VASN: variants seen among roughly 807,000 people sequenced by gnomAD.
The protein encoded by VASN is protein slit-like 2.
VASN carries 5 observed loss-of-function variants against 4.8 expected under a neutral mutation model. The ratio of observed to expected loss-of-function variants is 1.03; its 90% CI spans 0.54 to 2.17. The LOEUF (loss-of-function observed/expected upper bound fraction) is 2.17. Among genes scored for constraint, VASN ranks in the 30% most tolerant of loss-of-function variants. The pLI is 0.01. For synonymous variants in VASN, 499 were observed against 460.8 expected (o/e 1.08, Z -1.06); for missense variants, 927 against 948.8 (o/e 0.98, Z 0.30).
intron 1 of VASN, 48 bp from the exon 2 acceptor site, chr16:4,380,821 A>G: frequency 2.8e-6 from 4 of 1,426,170 alleles, no homozygotes; most frequent in South Asian, 1.5e-5. Context: ...TCTGCCTTCT[A>G]GGCCCCTGAC....
In VASN at chr16:4,382,952, A is replaced by C. The variant is rs1431050002; in HGVS notation, c.*53A>C. Reference sequence around the variant, plus strand: ...CGGGCTCTCAGCCAGTGAGATGGCCAGCCCCCTCCTGCTGCCACACCACGT... The same window carrying C: ...CGGGCTCTCAGCCAGTGAGATGGCCCGCCCCCTCCTGCTGCCACACCACGT... On this transcript the variant is annotated 3_prime_UTR_variant, in exon 2 of 2. Coordinates refer to ENST00000304735, the MANE Select transcript of VASN (RefSeq NM_138440.3). The C allele has an allele frequency of 6.9e-7, 1 of 1,442,730 alleles. No homozygotes were observed. Among genetic ancestry groups the C allele is most frequent in the Non-Finnish European group, 9.1e-7 (1 of 1,093,914 alleles). 89.4% of individuals were successfully genotyped at this position (1,442,730 alleles called of 1,614,324 possible). A position where few individuals can be genotyped will look rare whatever the true frequency, so the allele number is the denominator to read the frequency against.
Position 4,382,309 on chromosome 16 carries a change from G to A in VASN, c.1432G>A (p.Val478Met), listed in dbSNP as rs1355514948. The change falls in exon 2 of 2, where the codon GTG (valine) becomes ATG (methionine). Residue 478 changes from valine to methionine, a missense_variant. Val to Met is a conservative substitution (Grantham distance 21, BLOSUM62 1). Transcript: ENST00000304735. ...IEPVSPTSLR[V>M]GLQRYLQGSS... The stretch of plus-strand genomic sequence containing the variant: ...GCCGGTGAGCCCCACCTCCCTGCGC[G>A]TGGGGCTGCAGCGCTACCTCCAGGG... 39 of 1,610,852 alleles carry A rather than the reference G, an allele frequency of 2.4e-5. No individual in the cohort carries two copies. Among genetic ancestry groups the A allele is most frequent in the Admixed American group, 3.3e-5 (2 of 59,820 alleles).
chr16:4,380,144 T>C (rs2054901028), intron 1 of VASN, among the ~76,000 whole-genome samples: 1 of 151,508 alleles, frequency 6.6e-6, no homozygotes, highest in South Asian at 2.1e-4. Context: ...GTAGCCAGTG[T>C]CCCCACCTGA....
rs1227981298 is a variant in VASN at position 4,383,484 on chromosome 16, A to T, written c.*585A>T. 2 of 167,084 alleles carry T rather than the reference A, an allele frequency of 1.2e-5. No homozygotes were observed. The highest frequency in any genetic ancestry group is 2.9e-5 in the Non-Finnish European group (2 of 68,122). 10.4% of individuals were successfully genotyped at this position (167,084 alleles called of 1,614,324 possible). The stretch of plus-strand genomic sequence containing the variant: ...TTTGGTTTTTGTAAGACAAACGATG[A>T]TATGAAGGCCTTTTGTAAGAAAAAA... On this transcript the variant is annotated 3_prime_UTR_variant, in exon 2 of 2. Transcript: ENST00000304735.
intron 1 of VASN, among the ~76,000 whole-genome samples, chr16:4,380,385 C>T (rs867433304): frequency 3.9e-5 from 6 of 152,256 alleles, no homozygotes; most frequent in African/African-American, 7.2e-5. Flanking sequence ...TTCCCTCCTC[C>T]AAGGAGGGCG....
At chr16:4,372,494 T>G (rs1031648185) in intron 1 of VASN, among the ~76,000 whole-genome samples, 1 of 151,262 alleles carries the variant, frequency 6.6e-6, no homozygotes. Flanking sequence ...GGGCGGGGAG[T>G]GGCTGGTGGG....
Position 4,383,022 on chromosome 16 carries a change from GT to G in VASN, c.*124del. 2 of 1,108,024 alleles carry G rather than the reference GT, an allele frequency of 1.8e-6. No homozygotes were observed. Among genetic ancestry groups the G allele is most frequent in the Non-Finnish European group, 2.5e-6 (2 of 798,552 alleles). The allele number at this position is 1,108,024 out of a possible 1,614,324, so 68.6% of individuals were successfully genotyped here. ...CGGGGATGTGTGCAGACAGGGCTGT[GT>G]GACCACAGCTGGGCCCTGTTCCCTC... is the stretch of plus-strand genomic sequence containing the variant. On this transcript the variant is annotated 3_prime_UTR_variant, in exon 2 of 2. Coordinates refer to ENST00000304735, the MANE Select transcript of VASN (RefSeq NM_138440.3).
rs749626201 is a variant in VASN at position 4,381,928 on chromosome 16, GCCA to G, written c.1062_1064del (p.Thr355del). On this transcript the variant is annotated inframe_deletion, in exon 2 of 2. Transcript: ENST00000304735. ...TGACTACGCCGACTTTGGCTGCCCA[GCCA>G]CCACCACCACAGCCACAGTGCCCAC... 3 of 1,606,916 alleles carry G rather than the reference GCCA, an allele frequency of 1.9e-6. No individual in the cohort carries two copies.
Position 4,382,656 on chromosome 16 carries a change from G to C in VASN, c.1779G>C (p.Val593=), listed in dbSNP as rs1474296390. 1 of 1,553,274 alleles carries C rather than the reference G, an allele frequency of 6.4e-7. No homozygotes were observed. The highest frequency in any genetic ancestry group is 1.2e-5 in the South Asian group (1 of 84,938). The change falls in exon 2 of 2, where the codon GTG becomes GTC. Residue 593 remains valine, a synonymous_variant. Coordinates refer to ENST00000304735, the MANE Select transcript of VASN (RefSeq NM_138440.3). Reference sequence around the variant, plus strand: ...TGCTCCTGGCCGCGCTGGCTGCGGTGGGGGCAGCCTACTGTGTGCGGCGGG... The same window carrying C: ...TGCTCCTGGCCGCGCTGGCTGCGGTCGGGGCAGCCTACTGTGTGCGGCGGG... The part of the protein sequence containing the change: ...AAVLLAALAA[V]GAAYCVRRGR...
rs1191847996 is a variant in VASN at position 4,381,836 on chromosome 16, T to C, written c.959T>C (p.Leu320Pro). The C allele has an allele frequency of 1.2e-6, 2 of 1,601,494 alleles. No individual in the cohort carries two copies. The highest frequency in any genetic ancestry group is 1.1e-5 in the South Asian group (1 of 91,046). Residue 320 changes from leucine (L) to proline (P), a missense_variant, in exon 2 of 2, where the codon CTG becomes CCG. Coordinates refer to ENST00000304735, the MANE Select transcript of VASN (RefSeq NM_138440.3). The part of the protein sequence containing the change: ...GPWVRESHVT[L>P]ASPEETRCHF... Reference sequence around the variant, plus strand: ...TGGGTGCGCGAGAGCCACGTCACACTGGCCAGCCCTGAGGAGACGCGCTGC... The same window carrying C: ...TGGGTGCGCGAGAGCCACGTCACACCGGCCAGCCCTGAGGAGACGCGCTGC...
chr16:4,372,202 C>T (rs1290314531), intron 1 of VASN, among the ~76,000 whole-genome samples: 1 of 152,072 alleles, frequency 6.6e-6, no homozygotes, highest in African/African-American at 2.4e-5. Flanking sequence ...GCCCCGCGGC[C>T]GGCCAGGGTG....
intron 1 of VASN, among the ~76,000 whole-genome samples, chr16:4,378,626 T>C (rs891524105): frequency 2.0e-5 from 3 of 151,986 alleles, no homozygotes; most frequent in Non-Finnish European, 4.4e-5. Context: ...CGAGCCCCCC[T>C]GGGGTGGGCT....
At position 4,382,838 on chromosome 16, in the gene VASN, C is replaced by T; in HGVS notation, c.1961C>T (p.Pro654Leu). The T allele has an allele frequency of 6.3e-7, 1 of 1,594,614 alleles. No homozygotes were observed. The highest frequency in any genetic ancestry group is 1.1e-5 in the South Asian group (1 of 88,324). ...ALPSGSECEV[P>L]LMGFPGPGLQ... ...CCCAGCGGGTCTGAGTGTGAGGTGC[C>T]ACTCATGGGCTTCCCAGGGCCTGGC... Residue 654 changes from proline (P) to leucine (L), a missense_variant, in exon 2 of 2, where the codon CCA (proline) becomes CTA (leucine). Coordinates refer to ENST00000304735, the MANE Select transcript of VASN (RefSeq NM_138440.3).
At chr16:4,378,645 C>T (rs2054839273) in intron 1 of VASN, among the ~76,000 whole-genome samples, 1 of 152,048 alleles carries the variant, frequency 6.6e-6, no homozygotes, top group Non-Finnish European at 1.5e-5. Flanking sequence ...CTGGCCGGGC[C>T]AGGGACGCGT....
intron 1 of VASN, among the ~76,000 whole-genome samples, chr16:4,378,560 C>T (rs557901754): frequency 4.6e-5 from 7 of 152,252 alleles, no homozygotes; most frequent in South Asian, 2.1e-4. Context: ...TGGAGCGGGT[C>T]CCATGGGGGA....
At position 4,381,021 on chromosome 16, in the gene VASN, A is replaced by T; in HGVS notation, c.144A>T (p.Arg48=). 6.2e-7 allele frequency: 1 copy of T among 1,610,048 alleles called. No homozygotes were observed. The highest frequency in any genetic ancestry group is 1.1e-5 in the South Asian group (1 of 90,640). ...CTARQGTTVP[R]DVPPDTVGLY... ...CCCGCCAGGGGACCACGGTGCCCCG[A>T]GACGTGCCACCCGACACGGTGGGGC... Residue 48 remains arginine (R), a synonymous_variant, in exon 2 of 2, where the codon CGA becomes CGT. Coordinates refer to ENST00000304735, the MANE Select transcript of VASN (RefSeq NM_138440.3).
chr16:4,378,730 G>C (rs2054842393), intron 1 of VASN, among the ~76,000 whole-genome samples: 1 of 152,098 alleles, frequency 6.6e-6, no homozygotes, highest in African/African-American at 2.4e-5. Context: ...CAGCAGACCT[G>C]AGCTAAGTGG....
chr16:4,372,491 G>T (rs1179208670), intron 1 of VASN, among the ~76,000 whole-genome samples: 1 of 152,220 alleles, frequency 6.6e-6, no homozygotes, highest in African/African-American at 2.4e-5. Flanking sequence ...GAGGGGCGGG[G>T]AGTGGCTGGT....
At position 4,381,879 on chromosome 16, in the gene VASN, C is replaced by T. The variant is rs13333950; in HGVS notation, c.1002C>T (p.Asn334=). 10,558 of 1,604,650 alleles carry T rather than the reference C, an allele frequency of 6.6e-3. 619 individuals are homozygous for T. The African/African-American group carries it at 0.12, about 19-fold the overall frequency. Reference sequence around the variant, plus strand: ...CGCGCTGCCACTTCCCGCCCAAGAACGCTGGCCGGCTGCTCCTGGAGCTTG... The same window carrying T: ...CGCGCTGCCACTTCCCGCCCAAGAATGCTGGCCGGCTGCTCCTGGAGCTTG... ...EETRCHFPPK[N]AGRLLLELDY... The change falls in exon 2 of 2, where the codon AAC becomes AAT. Residue 334 remains asparagine (N), a synonymous_variant. Transcript: ENST00000304735.
Sources: allele counts gnomAD v4.1 joint callset (sites outside exome capture counted in the v4.1 genomes callset), GRCh38; gene constraint gnomAD v4.1.1; transcripts MANE v1.5; gene names NCBI Gene and HGNC (gene_info 2026-07-23, HGNC 2026-07-21).